Variants in COL4A3 observed in about 807,000 individuals in gnomAD.
COL4A3 encodes the protein collagen alpha-3(IV) chain.
In COL4A3, 135 loss-of-function variants were observed where a neutral mutation model predicts 217.4. The observed-to-expected ratio is 0.62, with a 90% CI of 0.54 to 0.72. The LOEUF is 0.72. COL4A3 is among the 30% of genes least tolerant of loss of function. COL4A3 has a pLI of 0.00. For missense variants in COL4A3, 1,868 were observed against 2,119.9 expected, an observed-to-expected ratio of 0.88 and a Z score of 2.33; for synonymous variants, 690 against 736.3, an observed-to-expected ratio of 0.94 and a Z score of 1.02.
At chr2:227,235,834 C>T (rs1210214762) in intron 1 of COL4A3, among the ~76,000 whole-genome samples, 8 of 141,348 alleles carry the variant, frequency 5.7e-5, no homozygotes, top group Admixed American at 3.0e-4. Context: ...AGTGCAATGG[C>T]GCAATCTCGG....
At chr2:227,177,255 T>C (rs2125658731) in intron 1 of COL4A3, among the ~76,000 whole-genome samples, 1 of 149,278 alleles carries the variant, frequency 6.7e-6, no homozygotes, top group East Asian at 2.1e-4. Context: ...GTTCACACCA[T>C]TCTCCTGCCT....
intron 1 of COL4A3, among the ~76,000 whole-genome samples, chr2:227,174,041 T>G (rs6705054): frequency 3.3e-5 from 5 of 152,198 alleles, no homozygotes; most frequent in African/African-American, 9.7e-5. Flanking sequence ...AATACTTGTC[T>G]AAATGAAACA....
intron 47 of COL4A3, among the ~76,000 whole-genome samples, chr2:227,306,282 C>G (rs956241899): frequency 1.3e-5 from 2 of 152,188 alleles, no homozygotes; most frequent in African/African-American, 4.8e-5. Context: ...ACAAAGGGAT[C>G]TAAGAGTCAA....
chr2:227,236,290 C>T (rs762872965), intron 1 of COL4A3, among the ~76,000 whole-genome samples: 1 of 152,204 alleles, frequency 6.6e-6, no homozygotes, highest in Non-Finnish European at 1.5e-5. Flanking sequence ...CTATAAACTG[C>T]AGTGTATATG....
At chr2:227,289,535 T>C (rs556098010) in intron 35 of COL4A3, among the ~76,000 whole-genome samples, 6 of 152,366 alleles carry the variant, frequency 3.9e-5, no homozygotes, top group African/African-American at 1.4e-4. Context: ...ATATCAGAGA[T>C]GAAAATTAGA....
rs186157297 is a variant in COL4A3 at position 227,303,211 on chromosome 2, G to A, written c.3955+101G>A. 32 of 945,406 alleles carry A rather than the reference G, an allele frequency of 3.4e-5. 1 individual carries two copies. Among genetic ancestry groups the A allele is most frequent in the African/African-American group, 2.9e-4 (18 of 62,194 alleles). The allele number at this position is 945,406 out of a possible 1,614,324, so 58.6% of individuals were successfully genotyped here. A position where few individuals can be genotyped will look rare whatever the true frequency, so the allele number is the denominator to read the frequency against. On this transcript the variant is annotated intron_variant, in intron 44 of 51. Transcript: ENST00000396578. ...GCTGAAGTACAGACAGCTGGGGTTA[G>A]TACAAATAGGACCTCAATACGAGTG...
chr2:227,288,218 T>C (rs894257468), intron 34 of COL4A3, among the ~76,000 whole-genome samples: 1 of 152,140 alleles, frequency 6.6e-6, no homozygotes, highest in African/African-American at 2.4e-5. Context: ...TGCCTCAGCC[T>C]CCCAAGTAGC....
intron 23 of COL4A3, chr2:227,268,502 T>A (rs2071050510): frequency 6.6e-6 from 1 of 152,214 alleles, no homozygotes; most frequent in Non-Finnish European, 1.5e-5. Flanking sequence ...TGGCATAGGG[T>A]CTTCTGGGAG....
chr2:227,168,751 C>G (rs1187777493), intron 1 of COL4A3, among the ~76,000 whole-genome samples: 2 of 151,972 alleles, frequency 1.3e-5, no homozygotes, highest in Non-Finnish European at 2.9e-5. Flanking sequence ...TAGTTTAGCT[C>G]TTTTACAGTT....
chr2:227,200,719 A>C (rs1380527575), intron 1 of COL4A3, among the ~76,000 whole-genome samples: 1 of 152,228 alleles, frequency 6.6e-6, no homozygotes, highest in Admixed American at 6.5e-5. Flanking sequence ...CAAGCATCTT[A>C]GTTCTCTGTG....
chr2:227,214,387 T>C (rs1470764558), intron 1 of COL4A3, among the ~76,000 whole-genome samples: 1 of 152,258 alleles, frequency 6.6e-6, no homozygotes. Context: ...CTGTGTTATA[T>C]ATAGAGAAGC....
At chr2:227,173,465 C>T (rs112405778) in intron 1 of COL4A3, among the ~76,000 whole-genome samples, 9 of 152,228 alleles carry the variant, frequency 5.9e-5, no homozygotes, top group African/African-American at 2.2e-4. Flanking sequence ...TCCATTCTTC[C>T]AGGTGTTCCT....
intron 1 of COL4A3, among the ~76,000 whole-genome samples, chr2:227,187,102 A>T (rs2066061408): frequency 6.6e-6 from 1 of 152,188 alleles, no homozygotes; most frequent in South Asian, 2.1e-4. Flanking sequence ...ACACATGATG[A>T]ACAGTAATTC....
At chr2:227,295,756 T>C (rs1365680380) in intron 41 of COL4A3, among the ~76,000 whole-genome samples, 1 of 152,168 alleles carries the variant, frequency 6.6e-6, no homozygotes, top group Non-Finnish European at 1.5e-5. Flanking sequence ...TTGCGGTCCA[T>C]GCTATTGTTT....
chr2:227,225,834 C>G (rs974175363), intron 1 of COL4A3, among the ~76,000 whole-genome samples: 1 of 151,748 alleles, frequency 6.6e-6, no homozygotes, highest in Non-Finnish European at 1.5e-5. Flanking sequence ...GCCTTAGCCA[C>G]CCGAGTACCT....
intron 26 of COL4A3, among the ~76,000 whole-genome samples, chr2:227,274,238 AAAATAAATAAATAAAT>A (rs57515255): frequency 2.8e-5 from 4 of 143,754 alleles, no homozygotes; most frequent in African/African-American, 1.0e-4. Context: ...TACTGTCTCA[AAAATAAATAAATAAAT>A]AAATAAATAA....
intron 1 of COL4A3, among the ~76,000 whole-genome samples, chr2:227,211,906 A>C (rs751591696): frequency 1.3e-5 from 2 of 152,086 alleles, no homozygotes; most frequent in African/African-American, 4.8e-5. Flanking sequence ...ACCTCAGGTG[A>C]TCTGCCTGCC....
intron 1 of COL4A3, among the ~76,000 whole-genome samples, chr2:227,179,146 T>G (rs1030549223): frequency 1.3e-5 from 2 of 152,014 alleles, no homozygotes; most frequent in African/African-American, 2.4e-5. Flanking sequence ...GACTGGGGTT[T>G]CTCTATTTTG....
At chr2:227,237,494 T>G (rs554153885) in intron 1 of COL4A3, among the ~76,000 whole-genome samples, 1 of 152,278 alleles carries the variant, frequency 6.6e-6, no homozygotes, top group East Asian at 1.9e-4. Flanking sequence ...CATGTATACA[T>G]TATACATATA....
Sources: gnomAD v4.1 joint callset for allele counts (sites outside exome capture counted in the v4.1 genomes callset) on GRCh38, gnomAD v4.1.1 for gene constraint, MANE v1.5 for transcripts, NCBI Gene and HGNC (gene_info 2026-07-23, HGNC 2026-07-21) for gene names.